NAIP: variants seen among roughly 807,000 people sequenced by gnomAD.
NAIP encodes baculoviral IAP repeat-containing protein 1.
In NAIP, 15 loss-of-function variants were observed where a neutral mutation model predicts 23.0. The observed-to-expected ratio is 0.65, with a 90% CI of 0.44 to 1.00. The LOEUF (loss-of-function observed/expected upper bound fraction) is 1.00. Among genes scored for constraint, NAIP ranks in the 50% least tolerant of loss-of-function variants. The pLI, the probability that NAIP is intolerant of heterozygous loss-of-function variation, is 0.00. For missense variants in NAIP, 265 were observed against 278.8 expected (o/e 0.95, Z 0.35); for synonymous variants, 100 against 100.2 (o/e 1.00, Z 0.01).
chr5:71,009,136 G>T lies in NAIP; in HGVS notation c.668+2139C>A, dbSNP rs1173888608. Among the ~76,000 whole-genome samples, 16 of 149,768 alleles carry T rather than the reference G, an allele frequency of 1.1e-4. No homozygotes were observed. The East Asian group carries it at 1.8e-3, about 17-fold the overall frequency. On this transcript the variant is annotated intron_variant, in intron 5 of 16. Coordinates refer to ENST00000517649, the MANE Select transcript of NAIP (RefSeq NM_004536.3). The stretch of plus-strand genomic sequence containing the variant: ...GATCACTTGAGCCCAGGAGTTTGTA[G>T]AACCAGGAGTTCCAGACCAGCCTGG...
At chr5:71,008,519 C>T (rs1220658690) in intron 5 of NAIP, among the ~76,000 whole-genome samples, 1 of 73,250 alleles carries the variant, frequency 1.4e-5, no homozygotes, top group Non-Finnish European at 2.7e-5. Flanking sequence ...AAAATAGAAT[C>T]TGAGGCTGGG....
At chr5:70,977,728 C>T (rs1750332406) in intron 13 of NAIP, among the ~76,000 whole-genome samples, 1 of 137,542 alleles carries the variant, frequency 7.3e-6, no homozygotes, top group Non-Finnish European at 1.6e-5. Flanking sequence ...CATAGTGGCT[C>T]ACGCCTGTAA....
intron 3 of NAIP, among the ~76,000 whole-genome samples, chr5:71,017,535 G>C (rs1751497783): frequency 9.2e-6 from 1 of 109,232 alleles, no homozygotes; most frequent in Admixed American, 9.3e-5. Context: ...CCAGGAATTT[G>C]AAACCAGCCT....
intron 5 of NAIP, among the ~76,000 whole-genome samples, chr5:71,008,801 C>CA (rs1187402726): frequency 0.024 from 1,978 of 84,072 alleles, 22 homozygotes; most frequent in African/African-American, 0.05. Context: ...GAGACTGTCA[C>CA]AAAAAAAAAA....
At position 71,012,677 on chromosome 5, in the gene NAIP, T is replaced by G; in HGVS notation, c.239A>C (p.Glu80Ala). 1 of 1,611,874 alleles carries G rather than the reference T, an allele frequency of 6.2e-7. No individual in the cohort carries two copies. Among genetic ancestry groups the G allele is most frequent in the Admixed American group, 1.7e-5 (1 of 59,910 alleles). Residue 80 changes from glutamate to alanine, a missense_variant, in exon 4 of 17, where the codon GAG becomes GCG. Physicochemically the swap from Glu to Ala is moderately radical, Grantham distance 107 (BLOSUM62 -1). Transcript: ENST00000517649. ...GAAGTAAAACCCAGCGGCCGCCATC[T>G]CCTGTGGTATCCATGAGCTGTACGG... is the stretch of plus-strand genomic sequence containing the variant. The part of the protein sequence containing the change: ...YEPYSSWIPQ[E>A]MAAAGFYFTG...
chr5:71,002,204 T>TG (rs1554084173), intron 6 of NAIP, 61 bp from the exon 7 acceptor site: 4,775 of 238,488 alleles, frequency 0.02, 5 homozygotes, highest in South Asian at 0.037. Context: ...TTTTTTTTTT[T>TG]TTTGAGGCAG....
intron 9 of NAIP, among the ~76,000 whole-genome samples, chr5:70,996,828 A>G (rs1364793336): frequency 1.6e-4 from 18 of 113,778 alleles, no homozygotes; most frequent in African/African-American, 3.0e-4. Context: ...GCAGATGGCT[A>G]TAATTTTTTT....
chr5:71,015,363 T>C (rs1346654398), intron 3 of NAIP, among the ~76,000 whole-genome samples: 1 of 149,092 alleles, frequency 6.7e-6, no homozygotes, highest in Non-Finnish European at 1.5e-5. Context: ...TCATGAAATC[T>C]CTTTCCTCAA....
chr5:71,008,188 G>C (rs1750962022), intron 5 of NAIP, among the ~76,000 whole-genome samples: 2 of 148,970 alleles, frequency 1.3e-5, no homozygotes, highest in African/African-American at 2.5e-5. Context: ...TCCTGCCTCA[G>C]CCTCCCAAGT....
chr5:71,012,562 C>T lies in NAIP; in HGVS notation c.354G>A (p.Lys118=), dbSNP rs1751209671. 1.2e-6 allele frequency: 2 copies of T among 1,611,810 alleles called. No individual in the cohort carries two copies. Among genetic ancestry groups the T allele is most frequent in the Non-Finnish European group, 8.5e-7 (1 of 1,178,446 alleles). The change falls in exon 4 of 17, where the codon AAG becomes AAA. Residue 118 remains lysine, a synonymous_variant. Transcript: ENST00000517649. ...GGAACCCACAATCTGGATGAAACCT[C>T]TTGTGGTCTTCTATGGGGAGTCTCG... The part of the protein sequence containing the change: ...GLTRLPIEDH[K]RFHPDCGFLL...
In NAIP at chr5:70,976,951, TGA is replaced by T. The variant is rs1750270429; in HGVS notation, c.3548_3549del (p.Leu1183HisfsTer4). 2.4e-6 allele frequency: 1 copy of T among 415,762 alleles called. No homozygotes were observed. Among genetic ancestry groups the T allele is most frequent in the Non-Finnish European group, 3.9e-6 (1 of 253,748 alleles). The allele number at this position is 415,762 out of a possible 1,614,324, so 25.8% of individuals were successfully genotyped here. Reference protein sequence around the residue: ...LMTMLVSCKKLTEIKFSDSFF... With the variant: ...LMTMLVSCKKXTEIKFSDSFF... ...AATGAATCCGAAAACTTAATTTCTG[TGA>T]GTTTCTTACAGGAAACAAGCATAGT... On this transcript the variant is annotated frameshift_variant, in exon 14 of 17. Transcript: ENST00000517649. LOFTEE classifies it high-confidence loss of function.
chr5:70,972,906 GTT>G (rs140660294), intron 16 of NAIP, among the ~76,000 whole-genome samples: 3 of 44,398 alleles, frequency 6.8e-5, no homozygotes, highest in African/African-American at 3.8e-4. Flanking sequence ...TTTGTTTTTT[GTT>G]TTTTTTTTTT....
At chr5:71,008,799 C>G in intron 5 of NAIP, among the ~76,000 whole-genome samples, 1 of 41,382 alleles carries the variant, frequency 2.4e-5, no homozygotes, top group Admixed American at 3.1e-4. Flanking sequence ...GTGAGACTGT[C>G]ACAAAAAAAA....
intron 3 of NAIP, among the ~76,000 whole-genome samples, chr5:71,016,506 A>C (rs1407586565): frequency 6.6e-6 from 1 of 151,878 alleles, no homozygotes; most frequent in African/African-American, 2.4e-5. Flanking sequence ...TACTGGGGAC[A>C]TTTCATTTAA....
At chr5:71,008,046 G>T (rs1267290003) in intron 5 of NAIP, among the ~76,000 whole-genome samples, 1 of 126,462 alleles carries the variant, frequency 7.9e-6, no homozygotes, top group Admixed American at 8.0e-5. Flanking sequence ...TCACAGGTGT[G>T]AGCCACTGTG....
At chr5:71,011,466 C>T in intron 4 of NAIP, 92 bp from the exon 5 acceptor site, 1 of 1,083,826 alleles carries the variant, frequency 9.2e-7, no homozygotes, top group East Asian at 2.5e-5. Flanking sequence ...GCAAGACAAG[C>T]TCCAGCGTGG....
chr5:71,011,760 A>G, intron 4 of NAIP: 1 of 447,798 alleles, frequency 2.2e-6, no homozygotes, highest in Non-Finnish European at 4.3e-6. Flanking sequence ...CATGTTTCTT[A>G]AAGTCTCTGA....
chr5:71,000,536 AATAATAATAATT>A (rs1344332568), intron 8 of NAIP, among the ~76,000 whole-genome samples: 1 of 127,148 alleles, frequency 7.9e-6, no homozygotes, highest in Non-Finnish European at 1.6e-5. Flanking sequence ...TAATAATAAT[AATAATAATAATT>A]ATTATTATTA....
rs1307985616 is a variant in NAIP at position 71,011,319 on chromosome 5, T to C, written c.624A>G (p.Glu208=). Residue 208 remains glutamate (E), a synonymous_variant, in exon 5 of 17, where the codon GAA becomes GAG. Transcript: ENST00000517649. ...FSCGGCLGNW[E]EGDDPWKEHA... ...GTTCCTTCCAAGGATCATCTCCTTC[T>C]TCCCAATTTCCTAAACATCCACCAC... is the stretch of plus-strand genomic sequence containing the variant. 1 of 1,607,082 alleles carries C rather than the reference T, an allele frequency of 6.2e-7. No homozygotes were observed. Among genetic ancestry groups the C allele is most frequent in the Admixed American group, 1.7e-5 (1 of 59,252 alleles).
Sources: gnomAD v4.1 joint callset for allele counts (sites outside exome capture counted in the v4.1 genomes callset) on GRCh38, gnomAD v4.1.1 for gene constraint, MANE v1.5 for transcripts, NCBI Gene and HGNC (gene_info 2026-07-23, HGNC 2026-07-21) for gene names.